Variants in KCTD8 observed in about 807,000 individuals in gnomAD.
KCTD8 encodes BTB/POZ domain-containing protein KCTD8.
Under a neutral mutation model 31.5 loss-of-function variants are expected in KCTD8, and 27 were observed. That is an observed-to-expected ratio of 0.86 (90% CI 0.63 to 1.18). The LOEUF is 1.18. Ranked by LOEUF, KCTD8 falls within the 50% of genes most tolerant of loss-of-function variation. The pLI, the probability that KCTD8 is intolerant of heterozygous loss-of-function variation, is 0.00. For missense variants in KCTD8, 658 were observed against 647.7 expected, an observed-to-expected ratio of 1.02 and a Z score of -0.17; for synonymous variants, 290 against 280.0, an observed-to-expected ratio of 1.04 and a Z score of -0.36.
intron 1 of KCTD8, among the ~76,000 whole-genome samples, chr4:44,297,405 C>A (rs1717467290): frequency 6.6e-6 from 1 of 151,964 alleles, no homozygotes; most frequent in Non-Finnish European, 1.5e-5. Context: ...ATTTTTTTCA[C>A]ATATAAATAG....
At chr4:44,267,412 T>G (rs570587406) in intron 1 of KCTD8, among the ~76,000 whole-genome samples, 70 of 152,236 alleles carry the variant, frequency 4.6e-4, no homozygotes, top group African/African-American at 1.7e-3. Context: ...GAGGGAAATT[T>G]ATAGCACTAA....
At chr4:44,285,381 C>A (rs936327728) in intron 1 of KCTD8, among the ~76,000 whole-genome samples, 1 of 151,920 alleles carries the variant, frequency 6.6e-6, no homozygotes, top group African/African-American at 2.4e-5. Flanking sequence ...TTCAGAAAAC[C>A]AAACACCATA....
chr4:44,305,290 A>T (rs944666194), intron 1 of KCTD8, among the ~76,000 whole-genome samples: 3 of 151,604 alleles, frequency 2.0e-5, no homozygotes, highest in Non-Finnish European at 4.4e-5. Context: ...CTCTCCCCCT[A>T]AAAGATGAAT....
At chr4:44,198,665 AC>A (rs543302945) in intron 1 of KCTD8, among the ~76,000 whole-genome samples, 289 of 152,292 alleles carry the variant, frequency 1.9e-3, no homozygotes, top group Admixed American at 2.4e-3. Context: ...GAAATGATAA[AC>A]ATAAAAACAA....
At position 44,329,623 on chromosome 4, in the gene KCTD8, C is replaced by T. The variant is rs561427953; in HGVS notation, c.961+117940G>A. On this transcript the variant is annotated intron_variant, in intron 1 of 1. Transcript: ENST00000360029. ...GATCTTAATCAGAAATACAATTAGC[C>T]CTTATCTTGCTTTGTGCAACCAGAT... 2.4e-4 allele frequency among the ~76,000 whole-genome samples: 36 copies of T among 151,868 alleles called. 1 individual carries two copies. In the South Asian group the frequency reaches 6.9e-3, roughly 29 times the overall value.
At chr4:44,191,485 T>A (rs1454022960) in intron 1 of KCTD8, among the ~76,000 whole-genome samples, 1 of 152,140 alleles carries the variant, frequency 6.6e-6, no homozygotes, top group South Asian at 2.1e-4. Flanking sequence ...TATAAATGGA[T>A]GTGCAAGTAG....
intron 1 of KCTD8, among the ~76,000 whole-genome samples, chr4:44,202,481 C>T (rs1451345237): frequency 6.6e-6 from 1 of 152,128 alleles, no homozygotes; most frequent in Non-Finnish European, 1.5e-5. Flanking sequence ...TTTGCAGCAC[C>T]ATGGATGCAG....
At chr4:44,408,196 C>T (rs1430415742) in intron 1 of KCTD8, among the ~76,000 whole-genome samples, 1 of 152,038 alleles carries the variant, frequency 6.6e-6, no homozygotes, top group Non-Finnish European at 1.5e-5. Context: ...AATTCTATAC[C>T]CAATGAAAGA....
chr4:44,307,569 A>T (rs1435049874), intron 1 of KCTD8, among the ~76,000 whole-genome samples: 1 of 152,002 alleles, frequency 6.6e-6, no homozygotes, highest in Non-Finnish European at 1.5e-5. Flanking sequence ...TTATGATGTC[A>T]GATTAAAAAT....
intron 1 of KCTD8, among the ~76,000 whole-genome samples, chr4:44,301,443 T>G (rs1019719887): frequency 1.1e-4 from 16 of 152,254 alleles, no homozygotes; most frequent in Non-Finnish European, 1.6e-4. Flanking sequence ...ATTGTGGTTT[T>G]GATTTGCATT....
intron 1 of KCTD8, among the ~76,000 whole-genome samples, chr4:44,177,942 C>A (rs1713265419): frequency 6.6e-6 from 1 of 152,034 alleles, no homozygotes; most frequent in Non-Finnish European, 1.5e-5. Flanking sequence ...TCTATCAGAC[C>A]CACTCTGGCC....
intron 1 of KCTD8, among the ~76,000 whole-genome samples, chr4:44,407,897 T>C (rs976178850): frequency 6.6e-6 from 1 of 152,134 alleles, no homozygotes; most frequent in African/African-American, 2.4e-5. Context: ...CTACATCTCT[T>C]ATTTGCTCAT....
intron 1 of KCTD8, among the ~76,000 whole-genome samples, chr4:44,322,449 T>C (rs1718319946): frequency 1.3e-5 from 2 of 152,036 alleles, no homozygotes; most frequent in South Asian, 4.1e-4. Context: ...ATTATTTGGT[T>C]TATTGCTTTT....
chr4:44,274,011 CT>C (rs1326642135), intron 1 of KCTD8, among the ~76,000 whole-genome samples: 2 of 151,806 alleles, frequency 1.3e-5, no homozygotes, highest in African/African-American at 4.8e-5. Context: ...AAAAAAAGTC[CT>C]GTTAAGTTTA....
At chr4:44,181,766 G>A (rs1713415098) in intron 1 of KCTD8, among the ~76,000 whole-genome samples, 1 of 150,022 alleles carries the variant, frequency 6.7e-6, no homozygotes, top group African/African-American at 2.5e-5. Context: ...AGTGAGGAGA[G>A]CCTCTTCCCG....
chr4:44,299,838 C>A (rs1306180033), intron 1 of KCTD8, among the ~76,000 whole-genome samples: 2 of 150,426 alleles, frequency 1.3e-5, no homozygotes, highest in African/African-American at 4.9e-5. Flanking sequence ...CTGCAACCTC[C>A]GTCTCCTGGG....
At chr4:44,427,394 A>G (rs1721375393) in intron 1 of KCTD8, among the ~76,000 whole-genome samples, 1 of 151,486 alleles carries the variant, frequency 6.6e-6, no homozygotes, top group African/African-American at 2.4e-5. Context: ...CTATAAAGAA[A>G]AAAGAAAGAA....
chr4:44,302,150 G>A (rs1486948093), intron 1 of KCTD8, among the ~76,000 whole-genome samples: 8 of 152,186 alleles, frequency 5.3e-5, no homozygotes, highest in Non-Finnish European at 7.4e-5. Context: ...GTCAGGTAGC[G>A]TGATGCCTCC....
chr4:44,186,333 C>T (rs1312210143), intron 1 of KCTD8, among the ~76,000 whole-genome samples: 4 of 152,164 alleles, frequency 2.6e-5, no homozygotes, highest in Admixed American at 2.6e-4. Context: ...CCACTGCATA[C>T]CCCTGCTGGC....
Sources: gnomAD v4.1 joint callset for allele counts (sites outside exome capture counted in the v4.1 genomes callset) on GRCh38, gnomAD v4.1.1 for gene constraint, MANE v1.5 for transcripts, NCBI Gene and HGNC (gene_info 2026-07-23, HGNC 2026-07-21) for gene names.